Variants in SLC35F4 observed in about 807,000 individuals in gnomAD.
SLC35F4 encodes chromosome 14 open reading frame 36.
Under a neutral mutation model 44.2 loss-of-function variants are expected in SLC35F4, and 24 were observed. That is an observed-to-expected ratio of 0.54 (90% CI 0.39 to 0.76). The LOEUF is 0.76. Among genes scored for constraint, SLC35F4 ranks in the 30% least tolerant of loss-of-function variants. The probability of loss-of-function intolerance (pLI) is 0.00; values close to 1 mark genes in which losing one functional copy is unlikely to be tolerated. For missense variants in SLC35F4, 562 were observed against 586.1 expected (o/e 0.96, Z 0.42); for synonymous variants, 238 against 223.6 (o/e 1.06, Z -0.57).
intron 1 of SLC35F4, among the ~76,000 whole-genome samples, chr14:57,766,264 T>G (rs1263417543): frequency 6.6e-6 from 1 of 152,228 alleles, no homozygotes; most frequent in Non-Finnish European, 1.5e-5. Flanking sequence ...TCAGTTTGTG[T>G]AGTAACTGTT....
intron 1 of SLC35F4, among the ~76,000 whole-genome samples, chr14:57,944,554 T>C (rs901377659): frequency 6.6e-6 from 1 of 151,924 alleles, no homozygotes; most frequent in African/African-American, 2.4e-5. Flanking sequence ...AATTGTGCTT[T>C]GTGAGACCTT....
chr14:57,807,928 A>T (rs1040116528), intron 1 of SLC35F4, among the ~76,000 whole-genome samples: 2 of 151,758 alleles, frequency 1.3e-5, no homozygotes, highest in Non-Finnish European at 2.9e-5. Context: ...GAGCAAAGGC[A>T]TGTTTTACAT....
intron 1 of SLC35F4, among the ~76,000 whole-genome samples, chr14:57,944,560 A>G (rs73304473): frequency 0.19 from 28,703 of 151,824 alleles, 4,050 homozygotes; most frequent in African/African-American, 0.39. Context: ...GCTTTGTGAG[A>G]CCTTCAGGTA....
intron 1 of SLC35F4, among the ~76,000 whole-genome samples, chr14:57,603,804 A>G (rs143881259): frequency 5.9e-5 from 9 of 152,316 alleles, no homozygotes; most frequent in Non-Finnish European, 1.3e-4. Context: ...GTGGCTTGCA[A>G]CCAAGAGTCC....
chr14:57,862,962 A>G (rs7155045), intron 1 of SLC35F4, among the ~76,000 whole-genome samples: 10,981 of 152,306 alleles, frequency 0.072, 469 homozygotes, highest in Middle Eastern at 0.15. Flanking sequence ...CTCAATTAAC[A>G]CTTGTTGAAT....
Position 57,814,709 on chromosome 14 carries a change from A to T in SLC35F4, c.103+51014T>A, listed in dbSNP as rs78644809. On this transcript the variant is annotated intron_variant, in intron 1 of 7. Transcript: ENST00000556826. ...AAGTAAATGGTTTTCAAGTGTATAA[A>T]GGTGGTTTCAGGTAGGTTTGAAGCA... 6.1e-3 allele frequency among the ~76,000 whole-genome samples: 930 copies of T among 152,314 alleles called. 8 individuals carry two copies. The highest frequency in any genetic ancestry group is 0.021 in the African/African-American group (876 of 41,580).
At chr14:57,768,657 A>G (rs1401636573) in intron 1 of SLC35F4, among the ~76,000 whole-genome samples, 1 of 152,240 alleles carries the variant, frequency 6.6e-6, no homozygotes, top group Non-Finnish European at 1.5e-5. Context: ...ATTTGGGGTT[A>G]ACATAAATTA....
chr14:57,585,654 C>G (rs1186918640), intron 3 of SLC35F4, among the ~76,000 whole-genome samples: 1 of 152,148 alleles, frequency 6.6e-6, no homozygotes, highest in African/African-American at 2.4e-5. Context: ...TCTCAGGACA[C>G]AAAATCAATG....
chr14:57,598,678 C>T (rs2070635743), intron 1 of SLC35F4, among the ~76,000 whole-genome samples: 1 of 152,142 alleles, frequency 6.6e-6, no homozygotes, highest in South Asian at 2.1e-4. Flanking sequence ...CAAACAAAGG[C>T]CTTACCATTG....
intron 1 of SLC35F4, among the ~76,000 whole-genome samples, chr14:57,826,174 C>A (rs1595152409): frequency 6.6e-6 from 1 of 152,006 alleles, no homozygotes; most frequent in Admixed American, 6.6e-5. Context: ...ACAAATAGAC[C>A]AATAGAACAG....
intron 1 of SLC35F4, among the ~76,000 whole-genome samples, chr14:57,945,925 T>C (rs1890018100): frequency 1.3e-5 from 2 of 152,186 alleles, no homozygotes; most frequent in South Asian, 2.1e-4. Context: ...TATTTTCTCT[T>C]GAGAATTGTC....
chr14:57,665,402 T>C (rs1020453326), intron 1 of SLC35F4, among the ~76,000 whole-genome samples: 22 of 152,178 alleles, frequency 1.4e-4, no homozygotes, highest in African/African-American at 4.8e-4. Flanking sequence ...CTTCCTTTAC[T>C]ACTCTTCACA....
downstream of SLC35F4, among the ~76,000 whole-genome samples, chr14:57,974,780 C>T (rs930641462): frequency 6.6e-6 from 1 of 152,128 alleles, no homozygotes; most frequent in African/African-American, 2.4e-5. Flanking sequence ...ATCTATTTCA[C>T]AGGGTTGTGG....
chr14:57,757,066 G>T (rs2077011694), intron 1 of SLC35F4, among the ~76,000 whole-genome samples: 1 of 151,990 alleles, frequency 6.6e-6, no homozygotes, highest in African/African-American at 2.4e-5. Context: ...CATGTATTTT[G>T]AAGTTCTATT....
intron 1 of SLC35F4, among the ~76,000 whole-genome samples, chr14:57,714,260 A>T (rs1566788165): frequency 6.6e-6 from 1 of 152,222 alleles, no homozygotes; most frequent in Non-Finnish European, 1.5e-5. Flanking sequence ...ACAATAATGC[A>T]TCCACTCTTT....
intron 1 of SLC35F4, among the ~76,000 whole-genome samples, chr14:57,644,020 T>G (rs1316303370): frequency 6.6e-6 from 1 of 152,196 alleles, no homozygotes; most frequent in Non-Finnish European, 1.5e-5. Context: ...TCTATCATTG[T>G]TGGACATTTG....
At chr14:57,914,588 T>C (rs1889281224) in intron 1 of SLC35F4, among the ~76,000 whole-genome samples, 1 of 151,036 alleles carries the variant, frequency 6.6e-6, no homozygotes, top group African/African-American at 2.4e-5. Flanking sequence ...AAAACCACAG[T>C]CTCTCAATAA....
intron 1 of SLC35F4, among the ~76,000 whole-genome samples, chr14:57,759,726 T>A (rs954739060): frequency 2.6e-5 from 4 of 152,200 alleles, no homozygotes; most frequent in Non-Finnish European, 2.9e-5. Flanking sequence ...GCTACCCTAA[T>A]AGGTATAAGG....
intron 1 of SLC35F4, among the ~76,000 whole-genome samples, chr14:57,664,255 G>A (rs1291292962): frequency 1.3e-5 from 2 of 152,054 alleles, no homozygotes; most frequent in African/African-American, 4.8e-5. Context: ...GCTCAAGAAT[G>A]ACTGTGCCCA....
Sources: allele counts gnomAD v4.1 joint callset (sites outside exome capture counted in the v4.1 genomes callset), GRCh38; gene constraint gnomAD v4.1.1; transcripts MANE v1.5; gene names NCBI Gene and HGNC (gene_info 2026-07-23, HGNC 2026-07-21).